The following MASP1 variants were observed in gnomAD, a reference collection of about 807,000 sequenced individuals.
MASP1 encodes the protein MBL associated serine protease 1, also known as mannan-binding lectin serine protease 1.
In MASP1, 59 loss-of-function variants were observed where a neutral mutation model predicts 77.1. The ratio of observed to expected loss-of-function variants is 0.77; its 90% confidence interval spans 0.62 to 0.95. The LOEUF (loss-of-function observed/expected upper bound fraction) is 0.95, where lower values mean the gene tolerates loss of function less well. Among genes scored for constraint, MASP1 ranks in the 40% least tolerant of loss-of-function variants. The probability of loss-of-function intolerance (pLI) is 0.00; values close to 1 mark genes in which losing one functional copy is unlikely to be tolerated. For missense variants in MASP1, 885 were observed against 912.9 expected (o/e 0.97, Z 0.39); for synonymous variants, 362 against 354.5 (o/e 1.02, Z -0.24).
intron 11 of MASP1, among the ~76,000 whole-genome samples, chr3:187,229,065 G>T (rs1416770474): frequency 6.6e-6 from 1 of 152,218 alleles, no homozygotes; most frequent in South Asian, 2.1e-4. Context: ...AAGTGGTCTA[G>T]ATAGCCTAGA....
intron 1 of MASP1, among the ~76,000 whole-genome samples, chr3:187,286,791 G>A (rs888115849): frequency 5.9e-5 from 9 of 152,210 alleles, no homozygotes; most frequent in African/African-American, 2.2e-4. Context: ...CTGTCTAACA[G>A]ACCGATTCCC....
At position 187,234,654 on chromosome 3, in the gene MASP1, C is replaced by A. The variant is rs748144248; in HGVS notation, c.*1030G>T. 3.1e-6 allele frequency: 4 copies of A among 1,287,050 alleles called. No homozygotes were observed. In the African/African-American group the frequency reaches 4.6e-5, roughly 15 times the overall value. 79.7% of individuals were successfully genotyped at this position (1,287,050 alleles called of 1,614,324 possible). ...GGTGGATTCTCCGCCCAGCTCATGC[C>A]CCAGGGATGCCAGGCAGCCTGGCAG... On this transcript the variant is annotated 3_prime_UTR_variant, in exon 11 of 11. Coordinates refer to ENST00000296280, the MANE Select transcript of MASP1 (RefSeq NM_139125.4).
At chr3:187,251,596 G>T in intron 7 of MASP1, 38 bp downstream of exon 7, 1 of 1,549,014 alleles carries the variant, frequency 6.5e-7, no homozygotes, top group South Asian at 1.1e-5. Flanking sequence ...GAGTTTCTGT[G>T]GCCTGGTCAC....
chr3:187,263,283 T>A (rs1270917413), intron 2 of MASP1: 1 of 156,302 alleles, frequency 6.4e-6, no homozygotes, highest in Non-Finnish European at 1.4e-5. Context: ...GCATATGCAC[T>A]CAAAGCAGGC....
chr3:187,290,770 T>TTGTGTGTG lies in MASP1; in HGVS notation c.5+850_5+857dup, dbSNP rs55722614. On this transcript the variant is annotated intron_variant, in intron 1 of 10. Transcript: ENST00000296280. ...TAGGGACTTACACATCTGCAGAGCA[T>TTGTGTGTG]TGTGTGTGTGTGTGTGTGTGTGTGT... Among the ~76,000 whole-genome samples the TTGTGTGTG allele has an allele frequency of 1.0e-4, 15 of 149,894 alleles. No homozygotes were observed. In the East Asian group the frequency reaches 2.0e-3, roughly 20 times the overall value.
At chr3:187,223,066 G>C in intron 14 of MASP1, 5 of 1,417,732 alleles carry the variant, frequency 3.5e-6, no homozygotes, top group Non-Finnish European at 5.0e-6. Context: ...ACAATACGGA[G>C]CAGGAAGGCC....
chr3:187,221,192 G>C, intron 14 of MASP1: 1 of 1,301,150 alleles, frequency 7.7e-7, no homozygotes, highest in Non-Finnish European at 1.1e-6. Flanking sequence ...CTGCTATTCT[G>C]ACACCCCTGA....
chr3:187,227,095 A>G (rs1424700424), intron 11 of MASP1, among the ~76,000 whole-genome samples: 1 of 152,204 alleles, frequency 6.6e-6, no homozygotes, highest in Non-Finnish European at 1.5e-5. Flanking sequence ...AAAAAGAGTA[A>G]ATCAGTGTCT....
chr3:187,285,723 T>C lies in MASP1; in HGVS notation c.237+102A>G, dbSNP rs538666697. The C allele has an allele frequency of 3.4e-6, 3 of 893,002 alleles. No homozygotes were observed. The Admixed American group carries it at 5.4e-5, about 16-fold the overall frequency. The allele number at this position is 893,002 out of a possible 1,614,324, so 55.3% of individuals were successfully genotyped here. ...ATTCATACCATTGTGATGTTGTGTGTCTCTCTTACTATATGCCACCCTGGA... is the reference window on the plus strand; with the variant it reads ...ATTCATACCATTGTGATGTTGTGTGCCTCTCTTACTATATGCCACCCTGGA... On this transcript the variant is annotated intron_variant, in intron 2 of 10. Transcript: ENST00000296280.
At chr3:187,241,683 C>T (rs1713653721) in intron 9 of MASP1, 128 bp from the exon 10 acceptor site, 2 of 701,974 alleles carry the variant, frequency 2.8e-6, no homozygotes, top group African/African-American at 3.5e-5. Context: ...GTCATCTAGG[C>T]TCAGATACGA....
rs766264080 is a variant in MASP1, at chr3:187,226,427, GA to G, written c.1534del (p.Ser512LeufsTer53). Reference sequence around the variant, plus strand: ...CTCACCCAGGATGATTTTGAAGTCAGAAGGGCTGAGCAAGTCTGAATCACGT... The same window carrying G: ...CTCACCCAGGATGATTTTGAAGTCAGAGGGCTGAGCAAGTCTGAATCACGT... On this transcript the variant is annotated frameshift_variant, in exon 12 of 16. Coordinates refer to the MASP1 transcript ENST00000337774. LOFTEE classifies it high-confidence loss of function. The G allele has an allele frequency of 6.2e-7, 1 of 1,611,084 alleles. No homozygotes were observed. The highest frequency in any genetic ancestry group is 1.7e-5 in the Admixed American group (1 of 59,802).
At chr3:187,230,159 T>C (rs72549159), downstream of MASP1, among the ~76,000 whole-genome samples, 256 of 152,344 alleles carry the variant, frequency 1.7e-3, no homozygotes, top group African/African-American at 5.8e-3. Flanking sequence ...ATGCACTTTC[T>C]GGTCACAGCA....
intron 2 of MASP1, among the ~76,000 whole-genome samples, chr3:187,278,011 C>A (rs1717099372): frequency 6.6e-6 from 1 of 152,160 alleles, no homozygotes; most frequent in Non-Finnish European, 1.5e-5. Context: ...CAGGCAGACA[C>A]TTTATTACTC....
At chr3:187,284,783 T>C (rs1361528893) in intron 2 of MASP1, among the ~76,000 whole-genome samples, 1 of 152,214 alleles carries the variant, frequency 6.6e-6, no homozygotes, top group Non-Finnish European at 1.5e-5. Context: ...CTGGGTTACT[T>C]CTTTACCTGT....
At position 187,236,513 on chromosome 3, in the gene MASP1, C is replaced by T. The variant is rs777260336; in HGVS notation, c.1358G>A (p.Gly453Asp). The change falls in exon 11 of 11, where the codon GGC (glycine) becomes GAC (aspartate). Residue 453 changes from glycine to aspartate, a missense_variant. Transcript: ENST00000296280. The part of the protein sequence containing the change: ...LPSLVKRIIG[G>D]RNAEPGLFPW... ...GAAGAGGCCAGGCTCAGCATTTCGGCCCCCAATGATCCTCTTGACCAGGCT... is the reference window on the plus strand; with the variant it reads ...GAAGAGGCCAGGCTCAGCATTTCGGTCCCCAATGATCCTCTTGACCAGGCT... 13 of 1,613,700 alleles carry T rather than the reference C, an allele frequency of 8.1e-6. No homozygotes were observed. The highest frequency in any genetic ancestry group is 5.3e-5 in the African/African-American group (4 of 74,906).
chr3:187,287,708 A>C (rs1263746245), intron 1 of MASP1, among the ~76,000 whole-genome samples: 1 of 152,234 alleles, frequency 6.6e-6, no homozygotes, highest in Non-Finnish European at 1.5e-5. Context: ...AATCCATGAA[A>C]GTGGGGCCTG....
chr3:187,280,879 A>G (rs1450691443), intron 2 of MASP1, among the ~76,000 whole-genome samples: 3 of 152,254 alleles, frequency 2.0e-5, no homozygotes, highest in Non-Finnish European at 4.4e-5. Flanking sequence ...GGGTTGGATC[A>G]TGATTTCTAA....
At chr3:187,273,980 T>C (rs1716744539) in intron 2 of MASP1, among the ~76,000 whole-genome samples, 1 of 151,870 alleles carries the variant, frequency 6.6e-6, no homozygotes, top group Non-Finnish European at 1.5e-5. Context: ...GAGGCCGAGG[T>C]GGGTAAATCA....
At chr3:187,273,432 C>G (rs1333646517) in intron 2 of MASP1, among the ~76,000 whole-genome samples, 2 of 152,218 alleles carry the variant, frequency 1.3e-5, no homozygotes, top group African/African-American at 2.4e-5. Flanking sequence ...CTAAAGGCTT[C>G]TGTCCACAAG....
Sources: gnomAD v4.1 joint callset for allele counts (sites outside exome capture counted in the v4.1 genomes callset) on GRCh38, gnomAD v4.1.1 for gene constraint, MANE v1.5 for transcripts, NCBI Gene and HGNC (gene_info 2026-07-23, HGNC 2026-07-21) for gene names.